TDRD9: variants seen among roughly 807,000 people sequenced by gnomAD.
TDRD9 encodes ATP-dependent RNA helicase TDRD9.
A neutral mutation model predicts 172.6 loss-of-function variants in TDRD9; 124 were observed. The observed-to-expected ratio is 0.72, with a 90% confidence interval of 0.62 to 0.83. The LOEUF (loss-of-function observed/expected upper bound fraction) is 0.83. Ranked by LOEUF, TDRD9 falls within the 40% of genes least tolerant of loss-of-function variation. The pLI is 0.00. For missense variants in TDRD9, 1,479 were observed against 1,714.1 expected, an observed-to-expected ratio of 0.86 and a Z score of 2.42; for synonymous variants, 619 against 617.1, an observed-to-expected ratio of 1.00 and a Z score of -0.05.
chr14:103,962,529 GT>G (rs2032555827), intron 2 of TDRD9, among the ~76,000 whole-genome samples: 1 of 152,140 alleles, frequency 6.6e-6, no homozygotes, highest in Non-Finnish European at 1.5e-5. Context: ...GTTCAGGTTT[GT>G]TACAAGAGTA....
chr14:103,997,533 G>T lies in TDRD9; in HGVS notation c.1379-1091G>T, dbSNP rs1158919443. 3.3e-5 allele frequency among the ~76,000 whole-genome samples: 5 copies of T among 152,250 alleles called. No individual in the cohort carries two copies. The highest frequency in any genetic ancestry group is 7.3e-5 in the Non-Finnish European group (5 of 68,040). On this transcript the variant is annotated intron_variant, in intron 12 of 35. Coordinates refer to ENST00000409874, the MANE Select transcript of TDRD9 (RefSeq NM_153046.3). The surrounding 1 kb of genome is among the most constrained non-coding windows in gnomAD (Gnocchi z 5.1). ...TAGATGTTCAGGTGGAGGTGTCATG[G>T]AAGCATCTGGCTGTGTGAGCCTGGA...
intron 5 of TDRD9, among the ~76,000 whole-genome samples, chr14:103,970,102 ATCT>A (rs1353046015): frequency 5.3e-5 from 8 of 152,176 alleles, no homozygotes; most frequent in East Asian, 3.9e-4. Flanking sequence ...AGACTGGCAC[ATCT>A]TCTTCCCTGT....
intron 28 of TDRD9, among the ~76,000 whole-genome samples, chr14:104,029,566 C>G (rs2035221091): frequency 6.6e-6 from 1 of 152,048 alleles, no homozygotes; most frequent in Non-Finnish European, 1.5e-5. Flanking sequence ...GCTCTAAAAG[C>G]TTTTTGGTGG....
In TDRD9 at chr14:104,024,359, G is replaced by A. The variant is rs151193132; in HGVS notation, c.2607-210G>A. 5.1e-4 allele frequency among the ~76,000 whole-genome samples: 78 copies of A among 152,176 alleles called. No homozygotes were observed. In the East Asian group the frequency reaches 0.015, roughly 29 times the overall value. The stretch of plus-strand genomic sequence containing the variant: ...TTGGAGGGTAGTATATAATTTTTGG[G>A]ATGTGTACCCCTTCCAGAGCTCTTC... On this transcript the variant is annotated intron_variant, in intron 24 of 35. Coordinates refer to ENST00000409874, the MANE Select transcript of TDRD9 (RefSeq NM_153046.3).
At chr14:103,963,267 G>T (rs1479074845) in intron 3 of TDRD9, 91 bp downstream of exon 3, 1 of 930,786 alleles carries the variant, frequency 1.1e-6, no homozygotes, top group Non-Finnish European at 1.6e-6. Flanking sequence ...GTTACCAGTT[G>T]CCAGGTGAAC....
chr14:104,034,245 C>T (rs1044858792), intron 31 of TDRD9, among the ~76,000 whole-genome samples, 176 bp downstream of exon 31: 3 of 131,184 alleles, frequency 2.3e-5, no homozygotes, highest in African/African-American at 8.7e-5. Context: ...GGCTAGAGTG[C>T]AGTGGCGCGA....
Position 103,948,516 on chromosome 14 carries a change from G to C in TDRD9, c.216-7148G>C, listed in dbSNP as rs74335599. Among the ~76,000 whole-genome samples, 1,189 of 152,166 alleles carry C rather than the reference G, an allele frequency of 7.8e-3. 14 individuals carry two copies. Among genetic ancestry groups the C allele is most frequent in the African/African-American group, 0.028 (1,144 of 41,512 alleles). ...GGTATATACCCAGAAAAGTTTAAAGGAAGACCTTGAAGAGATGTTTGTACA... is the reference window on the plus strand; with the variant it reads ...GGTATATACCCAGAAAAGTTTAAAGCAAGACCTTGAAGAGATGTTTGTACA... On this transcript the variant is annotated intron_variant, in intron 1 of 35. Coordinates refer to ENST00000409874, the MANE Select transcript of TDRD9 (RefSeq NM_153046.3).
intron 32 of TDRD9, among the ~76,000 whole-genome samples, chr14:104,035,658 G>A (rs2035429493): frequency 6.6e-6 from 1 of 152,364 alleles, no homozygotes; most frequent in Middle Eastern, 3.4e-3. Flanking sequence ...TGTGGGGAAA[G>A]CACTAACATA....
At chr14:104,050,433 G>C (rs2035906059) in intron 35 of TDRD9, among the ~76,000 whole-genome samples, 1 of 152,208 alleles carries the variant, frequency 6.6e-6, no homozygotes, top group South Asian at 2.1e-4. Flanking sequence ...GGTACTTCCT[G>C]TCTGTAGGGC....
chr14:103,938,427 T>A (rs2030928643), intron 1 of TDRD9, among the ~76,000 whole-genome samples: 4 of 56,284 alleles, frequency 7.1e-5, no homozygotes, highest in African/African-American at 2.7e-4. Flanking sequence ...TATATATATA[T>A]ATATATATAT....
intron 15 of TDRD9, among the ~76,000 whole-genome samples, chr14:104,005,844 G>T (rs2152218024): frequency 6.6e-6 from 1 of 152,268 alleles, no homozygotes; most frequent in East Asian, 1.9e-4. Context: ...ACTGGGTCTT[G>T]CTCTGTTGCC....
intron 7 of TDRD9, among the ~76,000 whole-genome samples, chr14:103,976,016 A>T (rs1035054532): frequency 6.6e-6 from 1 of 152,192 alleles, no homozygotes; most frequent in Non-Finnish European, 1.5e-5. Context: ...TTTTCTGTCC[A>T]TTAACCAACC....
At chr14:103,950,245 A>C (rs1308324093) in intron 1 of TDRD9, among the ~76,000 whole-genome samples, 2 of 151,258 alleles carry the variant, frequency 1.3e-5, no homozygotes, top group East Asian at 3.9e-4. Context: ...ACGTGCCACC[A>C]TGCCTGGCTA....
chr14:103,934,414 C>T (rs1339681291), intron 1 of TDRD9, among the ~76,000 whole-genome samples: 1 of 152,156 alleles, frequency 6.6e-6, no homozygotes, highest in Non-Finnish European at 1.5e-5. Context: ...TCTGTATGTA[C>T]TATGTGCAGC....
At position 104,026,717 on chromosome 14, in the gene TDRD9, A is replaced by T. The variant is rs1456029742; in HGVS notation, c.3060A>T (p.Ala1020=). 6.2e-7 allele frequency: 1 copy of T among 1,614,062 alleles called. No individual in the cohort carries two copies. Residue 1020 remains alanine, a synonymous_variant, in exon 28 of 36, where the codon GCA becomes GCT. Coordinates refer to ENST00000409874, the MANE Select transcript of TDRD9 (RefSeq NM_153046.3). ...EFKICKMRPS[A]KSLVCGKHWS... is the part of the protein sequence containing the mutation. Reference sequence around the variant, plus strand: ...AGATTTGCAAAATGAGACCATCAGCAAAGTCTCTTGTTTGTGGCAAGCACT... The same window carrying T: ...AGATTTGCAAAATGAGACCATCAGCTAAGTCTCTTGTTTGTGGCAAGCACT...
intron 28 of TDRD9, among the ~76,000 whole-genome samples, chr14:104,029,181 A>G (rs2035210027): frequency 1.3e-5 from 2 of 152,210 alleles, no homozygotes; most frequent in South Asian, 4.1e-4. Context: ...TTTTGGTTCC[A>G]TATGAACTTT....
At chr14:104,032,221 T>G in intron 30 of TDRD9, 134 bp downstream of exon 30, 1 of 610,738 alleles carries the variant, frequency 1.6e-6, no homozygotes, top group South Asian at 2.4e-5. Context: ...TTTTCTTTTT[T>G]TTTGAGACAG....
chr14:104,037,278 T>C (rs2035478870), intron 32 of TDRD9, among the ~76,000 whole-genome samples: 1 of 152,192 alleles, frequency 6.6e-6, no homozygotes, highest in Non-Finnish European at 1.5e-5. Context: ...TGCCCCGCCA[T>C]GCGCCCATGC....
chr14:104,033,584 G>C (rs746136249), intron 30 of TDRD9, among the ~76,000 whole-genome samples: 5 of 152,178 alleles, frequency 3.3e-5, no homozygotes, highest in Non-Finnish European at 7.3e-5. Context: ...ACTGTGGGGT[G>C]GACCACACTC....
Sources: gnomAD v4.1 joint callset for allele counts (sites outside exome capture counted in the v4.1 genomes callset) on GRCh38, gnomAD v4.1.1 for gene constraint, Gnocchi (gnomAD v3.1) non-coding constraint, MANE v1.5 for transcripts, NCBI Gene and HGNC (gene_info 2026-07-23, HGNC 2026-07-21) for gene names.